The following ST18 variants were observed in gnomAD, a reference collection of about 807,000 sequenced individuals.
ST18 encodes suppression of tumorigenicity 18 protein.
ST18 carries 50 observed loss-of-function variants against 110.0 expected under a neutral mutation model. The ratio of observed to expected loss-of-function variants is 0.45; its 90% CI spans 0.36 to 0.58. The LOEUF (loss-of-function observed/expected upper bound fraction) is 0.58, where lower values mean the gene tolerates loss of function less well. ST18 is among the 20% of genes least tolerant of loss of function. The pLI is 0.00. For synonymous variants in ST18, 461 were observed against 452.4 expected (o/e 1.02, Z -0.24); for missense variants, 1,306 against 1,280.1 (o/e 1.02, Z -0.31).
intron 23 of ST18, among the ~76,000 whole-genome samples, chr8:52,119,225 A>C (rs1398318160): frequency 6.6e-6 from 1 of 152,220 alleles, no homozygotes; most frequent in Non-Finnish European, 1.5e-5. Context: ...AGCGCTAAAC[A>C]TGCCACAGGC....
chr8:52,387,522 T>A (rs1837307283), intron 2 of ST18, among the ~76,000 whole-genome samples: 1 of 152,132 alleles, frequency 6.6e-6, no homozygotes. Flanking sequence ...TTTCCTTCCC[T>A]AAGAGACAGT....
At chr8:52,286,350 A>T (rs2095471685) in intron 2 of ST18, among the ~76,000 whole-genome samples, 1 of 152,206 alleles carries the variant, frequency 6.6e-6, no homozygotes, top group South Asian at 2.1e-4. Context: ...CATTGAAGAG[A>T]TGAACTGCAT....
intron 21 of ST18, among the ~76,000 whole-genome samples, chr8:52,132,693 C>T (rs1159515107): frequency 1.3e-5 from 2 of 152,166 alleles, no homozygotes; most frequent in Non-Finnish European, 2.9e-5. Context: ...CATGACCTTT[C>T]TTAGAGGAAG....
chr8:52,184,563 T>A (rs949698301), intron 8 of ST18, among the ~76,000 whole-genome samples: 23 of 152,308 alleles, frequency 1.5e-4, no homozygotes, highest in Middle Eastern at 3.4e-3. Flanking sequence ...ATAACACTAG[T>A]GATCAATTCT....
intron 2 of ST18, among the ~76,000 whole-genome samples, chr8:52,365,077 G>T (rs1256790970): frequency 6.6e-6 from 1 of 150,946 alleles, no homozygotes; most frequent in African/African-American, 2.4e-5. Flanking sequence ...TTGCGCCACT[G>T]CACTCCAGCC....
chr8:52,125,382 C>T (rs10102026), intron 23 of ST18, among the ~76,000 whole-genome samples: 44,025 of 151,504 alleles, frequency 0.29, 9,051 homozygotes, highest in African/African-American at 0.59. Context: ...CAGAAAAACG[C>T]GCACGTACAC....
intron 2 of ST18, among the ~76,000 whole-genome samples, chr8:52,310,383 G>A (rs62499826): frequency 0.34 from 51,240 of 151,986 alleles, 8,803 homozygotes; most frequent in Middle Eastern, 0.49. Context: ...TGTAACTACT[G>A]TGTCTTTTAT....
At chr8:52,188,501 G>GATTC (rs1243794078) in intron 8 of ST18, among the ~76,000 whole-genome samples, 3 of 152,228 alleles carry the variant, frequency 2.0e-5, no homozygotes, top group Non-Finnish European at 4.4e-5. Flanking sequence ...AGAAATAATG[G>GATTC]ATTCAGATTA....
intron 8 of ST18, among the ~76,000 whole-genome samples, chr8:52,192,249 C>G (rs138245266): frequency 1.3e-5 from 2 of 152,172 alleles, no homozygotes; most frequent in Non-Finnish European, 2.9e-5. Flanking sequence ...AAGAAACCAA[C>G]CAACCACTGG....
At chr8:52,274,660 T>C (rs2095180722) in intron 2 of ST18, among the ~76,000 whole-genome samples, 1 of 152,224 alleles carries the variant, frequency 6.6e-6, no homozygotes, top group Non-Finnish European at 1.5e-5. Context: ...CTTGTTTTCA[T>C]AGTCACATTG....
intron 2 of ST18, among the ~76,000 whole-genome samples, chr8:52,284,730 T>G (rs1226554512): frequency 6.6e-6 from 1 of 152,010 alleles, no homozygotes; most frequent in Non-Finnish European, 1.5e-5. Flanking sequence ...CTTCGAGAAC[T>G]GAGAAGGAAT....
At chr8:52,409,770 G>C (rs761964088), upstream of ST18, 2 of 152,246 alleles carry the variant, frequency 1.3e-5, no homozygotes, top group African/African-American at 4.8e-5. Flanking sequence ...ACGCAGAGGC[G>C]CTGCAACTTG....
At chr8:52,171,399 A>G (rs1307695992) in intron 10 of ST18, among the ~76,000 whole-genome samples, 4 of 152,368 alleles carry the variant, frequency 2.6e-5, no homozygotes, top group Non-Finnish European at 5.9e-5. Context: ...CTGCCTGGCT[A>G]GCAAGTTAGA....
chr8:52,385,950 G>C (rs1836555334), intron 2 of ST18, among the ~76,000 whole-genome samples: 1 of 152,124 alleles, frequency 6.6e-6, no homozygotes, highest in Non-Finnish European at 1.5e-5. Context: ...CCTCACAAAT[G>C]TCAGCACCTC....
chr8:52,195,330 A>T (rs2075857528), intron 8 of ST18, among the ~76,000 whole-genome samples: 1 of 152,214 alleles, frequency 6.6e-6, no homozygotes, highest in Non-Finnish European at 1.5e-5. Flanking sequence ...TGGCTTCAAT[A>T]AAGCCCACAC....
At chr8:52,351,821 ACAATG>A (rs1376197190) in intron 2 of ST18, among the ~76,000 whole-genome samples, 13 of 152,366 alleles carry the variant, frequency 8.5e-5, no homozygotes, top group African/African-American at 3.1e-4. Flanking sequence ...GTGGTTCACA[ACAATG>A]AACAATCAGT....
intron 8 of ST18, among the ~76,000 whole-genome samples, chr8:52,184,285 C>G (rs2071089027): frequency 6.6e-6 from 1 of 152,146 alleles, no homozygotes; most frequent in Non-Finnish European, 1.5e-5. Context: ...TTGTTCTATT[C>G]AATCAAACTG....
intron 19 of ST18, among the ~76,000 whole-genome samples, chr8:52,135,474 C>T (rs539199094): frequency 2.0e-5 from 3 of 148,190 alleles, no homozygotes; most frequent in South Asian, 2.2e-4. Flanking sequence ...GACAGGCAAT[C>T]GCTTGAACCT....
intron 22 of ST18, among the ~76,000 whole-genome samples, chr8:52,127,532 T>C (rs553247199): frequency 1.3e-5 from 2 of 152,332 alleles, no homozygotes; most frequent in Admixed American, 1.3e-4. Flanking sequence ...AAGGTGACCT[T>C]CAGTGAGTCC....
Sources: gnomAD v4.1 joint callset for allele counts (sites outside exome capture counted in the v4.1 genomes callset) on GRCh38, gnomAD v4.1.1 for gene constraint, MANE v1.5 for transcripts, NCBI Gene and HGNC (gene_info 2026-07-23, HGNC 2026-07-21) for gene names.